TANC1: variants seen among roughly 807,000 people sequenced by gnomAD.
TANC1 encodes the protein protein TANC1.
TANC1 carries 77 observed loss-of-function variants against 149.7 expected under a neutral mutation model. That is an observed-to-expected ratio of 0.51 (90% CI 0.43 to 0.62). TANC1 has a LOEUF of 0.62. Ranked by LOEUF, TANC1 falls within the 20% of genes least tolerant of loss-of-function variation. The pLI, the probability that TANC1 is intolerant of heterozygous loss-of-function variation, is 0.00. For synonymous variants in TANC1, 854 were observed against 925.0 expected, an observed-to-expected ratio of 0.92 and a Z score of 1.39; for missense variants, 1,985 against 2,321.8, an observed-to-expected ratio of 0.85 and a Z score of 2.98.
chr2:159,012,334 C>A (rs769452640), intron 2 of TANC1, among the ~76,000 whole-genome samples: 6 of 152,176 alleles, frequency 3.9e-5, no homozygotes, highest in Non-Finnish European at 5.9e-5. Flanking sequence ...TTATTCACTC[C>A]GTGCTCTAAG....
chr2:159,115,315 C>T lies in TANC1; in HGVS notation c.259+17481C>T, dbSNP rs545706075. 5.8e-4 allele frequency among the ~76,000 whole-genome samples: 88 copies of T among 152,150 alleles called. No individual in the cohort carries two copies. The South Asian group carries it at 0.015, about 25-fold the overall frequency. On this transcript the variant is annotated intron_variant, in intron 4 of 26. Coordinates refer to ENST00000263635, the MANE Select transcript of TANC1 (RefSeq NM_033394.3). The stretch of plus-strand genomic sequence containing the variant: ...AAATAAATAGATTTGGTTTCTAGGA[C>T]GGTAACTGTTTCACACAGGCCTCCT...
At chr2:159,003,798 G>A (rs541280583) in intron 2 of TANC1, among the ~76,000 whole-genome samples, 1 of 152,262 alleles carries the variant, frequency 6.6e-6, no homozygotes, top group East Asian at 1.9e-4. Flanking sequence ...TGCTCTTGCC[G>A]CGTGCTGGTG....
intron 1 of TANC1, among the ~76,000 whole-genome samples, chr2:158,973,503 T>C (rs2033203685): frequency 6.6e-6 from 1 of 152,232 alleles, no homozygotes; most frequent in Non-Finnish European, 1.5e-5. Flanking sequence ...GCTGGTATTA[T>C]AGCTCTCAAG....
intron 1 of TANC1, among the ~76,000 whole-genome samples, chr2:158,983,942 T>C (rs2034718747): frequency 6.6e-6 from 1 of 152,236 alleles, no homozygotes; most frequent in Non-Finnish European, 1.5e-5. Flanking sequence ...CCTTGCATTC[T>C]TGCCATTTAT....
rs1395666215 is a variant in TANC1 at position 159,227,891 on chromosome 2, G to A, written c.3976G>A (p.Glu1326Lys). Residue 1326 changes from glutamate to lysine, a missense_variant, in exon 25 of 27, where the codon GAG becomes AAG. By Grantham distance (56) the Glu-to-Lys change is moderately conservative (BLOSUM62 1). Coordinates refer to ENST00000263635, the MANE Select transcript of TANC1 (RefSeq NM_033394.3). ...LRKFPREGFG[E>K]DMRPFNELRV... ...AAAGTTTCCTCGAGAAGGATTCGGAGAGGACATGAGACCCTTCAATGAATT... is the reference window on the plus strand; with the variant it reads ...AAAGTTTCCTCGAGAAGGATTCGGAAAGGACATGAGACCCTTCAATGAATT... The A allele has an allele frequency of 3.7e-6, 6 of 1,614,072 alleles. No individual in the cohort carries two copies. In the South Asian group the frequency reaches 5.5e-5, roughly 15 times the overall value.
chr2:158,988,116 A>G (rs1005558766), intron 1 of TANC1, among the ~76,000 whole-genome samples: 2 of 151,900 alleles, frequency 1.3e-5, no homozygotes, highest in African/African-American at 4.8e-5. Context: ...TGAGGTCAGG[A>G]GTTCAAGACC....
chr2:158,974,907 ATTTTTTTTTT>A (rs3028258), intron 1 of TANC1, among the ~76,000 whole-genome samples: 9 of 103,288 alleles, frequency 8.7e-5, no homozygotes, highest in African/African-American at 3.5e-4. Context: ...TAATTTTTGT[ATTTTTTTTTT>A]TTTTTTTTTT....
intron 3 of TANC1, among the ~76,000 whole-genome samples, chr2:159,079,031 A>G (rs954547794): frequency 2.6e-5 from 4 of 152,194 alleles, no homozygotes; most frequent in African/African-American, 9.7e-5. Flanking sequence ...AGCAAGGAAC[A>G]ATAAAATATA....
chr2:159,154,757 C>T (rs1034266763), intron 7 of TANC1, among the ~76,000 whole-genome samples: 1 of 152,062 alleles, frequency 6.6e-6, no homozygotes, highest in African/African-American at 2.4e-5. Context: ...AACTTCTTTA[C>T]TCTTTACATG....
intron 3 of TANC1, among the ~76,000 whole-genome samples, chr2:159,072,099 A>G (rs945967863): frequency 6.6e-6 from 1 of 152,154 alleles, no homozygotes; most frequent in Non-Finnish European, 1.5e-5. Flanking sequence ...TTCCTGCCCA[A>G]GCCTCCCAAG....
intron 2 of TANC1, among the ~76,000 whole-genome samples, chr2:159,050,234 T>G (rs1483039153): frequency 2.0e-5 from 3 of 152,136 alleles, no homozygotes; most frequent in Non-Finnish European, 4.4e-5. Flanking sequence ...CCCCGCAAAG[T>G]ACTGTGACTA....
At chr2:158,970,519 C>G (rs545077561) in intron 1 of TANC1, among the ~76,000 whole-genome samples, 1 of 152,316 alleles carries the variant, frequency 6.6e-6, no homozygotes, top group African/African-American at 2.4e-5. Flanking sequence ...AAAGACCTCA[C>G]AAGGGACCTT....
chr2:159,204,095 TTATCTAAA>T (rs1208962792), intron 19 of TANC1, among the ~76,000 whole-genome samples: 1 of 152,206 alleles, frequency 6.6e-6, no homozygotes, highest in Middle Eastern at 3.2e-3. Flanking sequence ...TCATCTTAAT[TTATCTAAA>T]TTACATGTGA....
chr2:159,110,299 A>G (rs1474913755), intron 4 of TANC1, among the ~76,000 whole-genome samples: 2 of 152,218 alleles, frequency 1.3e-5, no homozygotes, highest in Non-Finnish European at 2.9e-5. Flanking sequence ...GTTCAGTACT[A>G]TCCTCAGTTT....
chr2:159,138,707 G>C (rs188205845), intron 5 of TANC1, among the ~76,000 whole-genome samples: 1 of 152,286 alleles, frequency 6.6e-6, no homozygotes, highest in East Asian at 1.9e-4. Flanking sequence ...AAGTTTCTAA[G>C]ACGCTTTTCT....
chr2:159,139,481 A>C (rs759937952), intron 5 of TANC1, among the ~76,000 whole-genome samples: 1 of 152,222 alleles, frequency 6.6e-6, no homozygotes, highest in African/African-American at 2.4e-5. Context: ...TTTACCCACA[A>C]ACAATATCTG....
intron 19 of TANC1, among the ~76,000 whole-genome samples, chr2:159,211,805 G>T (rs1446796136): frequency 2.0e-5 from 3 of 152,256 alleles, no homozygotes; most frequent in Non-Finnish European, 4.4e-5. Flanking sequence ...AGGAATTTGT[G>T]TGTAGAACGT....
chr2:159,032,034 A>G (rs990825733), intron 2 of TANC1, among the ~76,000 whole-genome samples: 10 of 152,210 alleles, frequency 6.6e-5, no homozygotes, highest in African/African-American at 7.2e-5. Flanking sequence ...TTCTTCCCTA[A>G]GGTCATATGG....
At chr2:159,137,222 T>C (rs1364682938) in intron 5 of TANC1, among the ~76,000 whole-genome samples, 1 of 152,240 alleles carries the variant, frequency 6.6e-6, no homozygotes. Context: ...AACCTGTGTG[T>C]GCCTTTTGTG....
Sources: gnomAD v4.1 joint callset for allele counts (sites outside exome capture counted in the v4.1 genomes callset) on GRCh38, gnomAD v4.1.1 for gene constraint, MANE v1.5 for transcripts, NCBI Gene and HGNC (gene_info 2026-07-23, HGNC 2026-07-21) for gene names.